Variants in PEX5 observed in about 807,000 individuals in gnomAD.
PEX5 encodes peroxisomal biogenesis factor 5.
Under a neutral mutation model 82.9 loss-of-function variants are expected in PEX5, and 52 were observed. The ratio of observed to expected loss-of-function variants is 0.63; its 90% CI spans 0.50 to 0.79. PEX5 has a LOEUF of 0.79. Among genes scored for constraint, PEX5 ranks in the 30% least tolerant of loss-of-function variants. PEX5 has a pLI of 0.00. For synonymous variants in PEX5, 300 were observed against 318.8 expected, an observed-to-expected ratio of 0.94 and a Z score of 0.63; for missense variants, 719 against 815.2, an observed-to-expected ratio of 0.88 and a Z score of 1.44.
intron 8 of PEX5, 128 bp downstream of exon 8, chr12:7,202,479 G>A: frequency 1.4e-6 from 2 of 1,416,274 alleles, no homozygotes; most frequent in African/African-American, 1.4e-5. Flanking sequence ...CAGGTCCCAA[G>A]TGGGTGGGAA....
In PEX5 at chr12:7,208,614, G is replaced by C; in HGVS notation, c.1339G>C (p.Ala447Pro). 3 of 1,614,158 alleles carry C rather than the reference G, an allele frequency of 1.9e-6. No individual in the cohort carries two copies. Among genetic ancestry groups the C allele is most frequent in the Non-Finnish European group, 2.5e-6 (3 of 1,180,028 alleles). Reference sequence around the variant, plus strand: ...TCTGGTGACACCTGCTGAAGAAGGGGCTGGTGGGGCAGGACTGGGCCCCAG... The same window carrying C: ...TCTGGTGACACCTGCTGAAGAAGGGCCTGGTGGGGCAGGACTGGGCCCCAG... ...AHLVTPAEEG[A>P]GGAGLGPSKR... The change falls in exon 13 of 16, where the codon GCT becomes CCT. Residue 447 changes from alanine to proline, a missense_variant. Coordinates refer to ENST00000675855, the MANE Select transcript of PEX5 (RefSeq NM_001351132.2).
At chr12:7,201,727 A>G in intron 6 of PEX5, 24 bp from the exon 7 acceptor site, 1 of 1,539,056 alleles carries the variant, frequency 6.5e-7, no homozygotes. Context: ...ACTAATGTGT[A>G]AAATTAGTTC....
intron 14 of PEX5, 113 bp from the exon 15 acceptor site, chr12:7,209,566 TAACA>T: frequency 4.8e-6 from 1 of 208,736 alleles, no homozygotes; most frequent in Non-Finnish European, 8.0e-6. Context: ...ACATGTTAGC[TAACA>T]GAGTAGTGAA....
At chr12:7,195,177 A>G (rs914672047) in intron 5 of PEX5, among the ~76,000 whole-genome samples, 3 of 152,206 alleles carry the variant, frequency 2.0e-5, no homozygotes, top group African/African-American at 7.2e-5. Flanking sequence ...AGCTTGGGGA[A>G]GATGTGCCTA....
At chr12:7,213,447 T>C (rs1945683776), downstream of PEX5, among the ~76,000 whole-genome samples, 1 of 69,954 alleles carries the variant, frequency 1.4e-5, no homozygotes, top group Non-Finnish European at 3.7e-5. Flanking sequence ...CTATCTGATC[T>C]TTGACAAACC....
At chr12:7,217,129 A>G (rs1945801665) in intron 17 of PEX5, among the ~76,000 whole-genome samples, 1 of 152,212 alleles carries the variant, frequency 6.6e-6, no homozygotes, top group South Asian at 2.1e-4. Flanking sequence ...ATATTAACAT[A>G]TTTAGTAGAT....
rs1164956515 is a variant in PEX5, at chr12:7,216,971, TA to T, written c.*20-1430del. On this transcript the variant is annotated intron_variant, in intron 17 of 17. Coordinates refer to the PEX5 transcript ENST00000455147. ...TTATTCACACTAATTCATACGTGTT[TA>T]TTTTTTTTCTTCACATCAATGTAGT... is the stretch of plus-strand genomic sequence containing the variant. Among the ~76,000 whole-genome samples the T allele has an allele frequency of 9.2e-5, 14 of 152,328 alleles. No homozygotes were observed. The East Asian group carries it at 2.1e-3, about 23-fold the overall frequency.
In PEX5 at chr12:7,201,714, C is replaced by T. The variant is rs117709622; in HGVS notation, c.552-37C>T. On this transcript the variant is annotated intron_variant, in intron 6 of 15. Transcript: ENST00000675855. ...GGGAGTAGCATGGGGAGGGTGATGGCAGACTAATGTGTAAAATTAGTTCTT... is the reference window on the plus strand; with the variant it reads ...GGGAGTAGCATGGGGAGGGTGATGGTAGACTAATGTGTAAAATTAGTTCTT... The T allele has an allele frequency of 1.2e-4, 165 of 1,413,668 alleles. 1 individual carries two copies. Among genetic ancestry groups the T allele is most frequent in the Middle Eastern group, 3.7e-4 (2 of 5,474 alleles). The allele number at this position is 1,413,668 out of a possible 1,614,324, so 87.6% of individuals were successfully genotyped here.
intron 5 of PEX5, among the ~76,000 whole-genome samples, chr12:7,196,035 A>ATATAATG (rs1217215155): frequency 1.8e-4 from 25 of 141,330 alleles, no homozygotes; most frequent in Non-Finnish European, 2.4e-4. Flanking sequence ...ATTATATATT[A>ATATAATG]TATATATTAT....
chr12:7,214,390 T>TA (rs1278571885), downstream of PEX5, among the ~76,000 whole-genome samples: 1 of 151,740 alleles, frequency 6.6e-6, no homozygotes, highest in Non-Finnish European at 1.5e-5. Context: ...TATGCAGCCG[T>TA]AAAAAATGAT....
At chr12:7,196,301 T>A (rs1403307127) in intron 5 of PEX5, among the ~76,000 whole-genome samples, 30 of 54,530 alleles carry the variant, frequency 5.5e-4, no homozygotes, top group Non-Finnish European at 1.1e-3. Context: ...TAATTATATG[T>A]CATATATAAT....
rs747679909 is a variant in PEX5 at position 7,199,034 on chromosome 12, C to T, written c.472C>T (p.Arg158Cys). 59 of 1,606,586 alleles carry T rather than the reference C, an allele frequency of 3.7e-5. 2 individuals are homozygous for T. Among genetic ancestry groups the T allele is most frequent in the African/African-American group, 1.9e-4 (14 of 74,770 alleles). The change falls in exon 6 of 16, where the codon CGC becomes TGC. Residue 158 changes from arginine to cysteine, a missense_variant. Coordinates refer to ENST00000675855, the MANE Select transcript of PEX5 (RefSeq NM_001351132.2). ...VTDPLSVSPA[R>C]WAEEYLEQSE... Reference sequence around the variant, plus strand: ...AGACCCCTTGTCTGTGTCCCCTGCCCGCTGGGCTGAGGAATATTTGGAGCA... The same window carrying T: ...AGACCCCTTGTCTGTGTCCCCTGCCTGCTGGGCTGAGGAATATTTGGAGCA...
At chr12:7,194,443 T>G (rs1200060282) in intron 5 of PEX5, among the ~76,000 whole-genome samples, 1 of 152,220 alleles carries the variant, frequency 6.6e-6, no homozygotes, top group African/African-American at 2.4e-5. Flanking sequence ...TCCTCAGAGT[T>G]TATTAGGTTT....
rs200476831 is a variant in PEX5, at chr12:7,208,643, G to T, written c.1368G>T (p.Lys456Asn). 58 of 1,613,782 alleles carry T rather than the reference G, an allele frequency of 3.6e-5. No individual in the cohort carries two copies. The highest frequency in any genetic ancestry group is 8.5e-7 in the Non-Finnish European group (1 of 1,179,906). The change falls in exon 13 of 16, where the codon AAG (lysine) becomes AAT (asparagine). Residue 456 changes from lysine to asparagine, a missense_variant. Transcript: ENST00000675855. ...GTGGGGCAGGACTGGGCCCCAGCAA[G>T]CGTATCCTGGGATCTCTCTTGTCTG... ...GAGGAGLGPS[K>N]RILGSLLSDS...
rs780889030 is a variant in PEX5, at chr12:7,209,665, TC to T, written c.1561-17del. On this transcript the variant is annotated splice_polypyrimidine_tract_variant and intron_variant, in intron 14 of 15. Transcript: ENST00000675855. ...GCTGAGTCAAGCTGTTCCCATCCGT[TC>T]TGCATCCCTATCCCAGGACTATTTG... 1 of 1,130,332 alleles carries T rather than the reference TC, an allele frequency of 8.8e-7. No individual in the cohort carries two copies. The highest frequency in any genetic ancestry group is 3.9e-5 in the African/African-American group (1 of 25,924). 70.0% of individuals were successfully genotyped at this position (1,130,332 alleles called of 1,614,324 possible). A position where few individuals can be genotyped will look rare whatever the true frequency, so the allele number is the denominator to read the frequency against.
rs749532719 is a variant in PEX5, at chr12:7,207,719, C to T, written c.1027C>T (p.Leu343=). ...RDHPQPFEEG[L]RRLQEGDLPN... ...TCACCCTCAGCCTTTTGAAGAAGGG[C>T]TGCGGCGCCTTCAGGAGGGGGACCT... Residue 343 remains leucine (L), a synonymous_variant, in exon 11 of 16, where the codon CTG becomes TTG. Transcript: ENST00000675855. The T allele has an allele frequency of 6.2e-7, 1 of 1,614,070 alleles. No homozygotes were observed. Among genetic ancestry groups the T allele is most frequent in the Non-Finnish European group, 8.5e-7 (1 of 1,179,960 alleles).
intron 6 of PEX5, 90 bp from the exon 7 acceptor site, chr12:7,201,661 G>C (rs1944061561): frequency 1.1e-6 from 1 of 933,526 alleles, no homozygotes; most frequent in African/African-American, 1.6e-5. Flanking sequence ...TCCCTCACAG[G>C]AACTGTCATT....
At position 7,209,113 on chromosome 12, in the gene PEX5, T is replaced by G; in HGVS notation, c.1503T>G (p.Ser501Arg). The G allele has an allele frequency of 6.2e-7, 1 of 1,613,714 alleles. No individual in the cohort carries two copies. Among genetic ancestry groups the G allele is most frequent in the Non-Finnish European group, 8.5e-7 (1 of 1,179,920 alleles). ...QCGLGVLFNL[S>R]GEYDKAVDCF... Reference sequence around the variant, plus strand: ...GCTTGGGAGTCCTTTTCAACCTGAGTGGGGAGTATGACAAGGCCGTGGACT... The same window carrying G: ...GCTTGGGAGTCCTTTTCAACCTGAGGGGGGAGTATGACAAGGCCGTGGACT... The change falls in exon 14 of 16, where the codon AGT becomes AGG. Residue 501 changes from serine to arginine, a missense_variant. Coordinates refer to ENST00000675855, the MANE Select transcript of PEX5 (RefSeq NM_001351132.2).
rs755930924 is a variant in PEX5 at position 7,192,514 on chromosome 12, C to T, written c.448+814C>T. Among the ~76,000 whole-genome samples, 180 of 152,286 alleles carry T rather than the reference C, an allele frequency of 1.2e-3. 1 individual carries two copies. The highest frequency in any genetic ancestry group is 4.2e-3 in the African/African-American group (175 of 41,558). On this transcript the variant is annotated intron_variant, in intron 5 of 15. Transcript: ENST00000675855. ...ATCTTTTATGATTGATTCTTCTTGC[C>T]CTAAGCCTATCTAATCAGGTACATG...
Sources: gnomAD v4.1 joint callset for allele counts (sites outside exome capture counted in the v4.1 genomes callset) on GRCh38, gnomAD v4.1.1 for gene constraint, MANE v1.5 for transcripts, NCBI Gene and HGNC (gene_info 2026-07-23, HGNC 2026-07-21) for gene names.